RNF38: variants seen among roughly 807,000 people sequenced by gnomAD.
RNF38 encodes the protein E3 ubiquitin-protein ligase RNF38.
Under a neutral mutation model 67.2 loss-of-function variants are expected in RNF38, and 15 were observed. That is an observed-to-expected ratio of 0.22 (90% CI 0.15 to 0.34). The LOEUF (loss-of-function observed/expected upper bound fraction) is 0.34. Among genes scored for constraint, RNF38 ranks in the 10% least tolerant of loss-of-function variants. RNF38 has a pLI of 1.00. For missense variants in RNF38, 524 were observed against 639.9 expected (o/e 0.82, Z 1.95); for synonymous variants, 220 against 218.8 (o/e 1.01, Z -0.05).
At position 36,351,100 on chromosome 9, in the gene RNF38, A is replaced by G; in HGVS notation, c.1263+15T>C. On this transcript the variant is annotated intron_variant, in intron 9 of 11. Coordinates refer to ENST00000259605, the MANE Select transcript of RNF38 (RefSeq NM_022781.5). ...CACAATATTCCCCAAATTAATTCAC[A>G]ATTCATCTACTAACCTCGTAATTTT... The G allele has an allele frequency of 6.4e-7, 1 of 1,554,442 alleles. No individual in the cohort carries two copies.
chr9:36,370,797 A>G (rs1034427454), intron 3 of RNF38, among the ~76,000 whole-genome samples: 8 of 152,028 alleles, frequency 5.3e-5, no homozygotes, highest in African/African-American at 1.7e-4. Flanking sequence ...AGTCCCAGCT[A>G]CCTGGGAGGC....
intron 2 of RNF38, among the ~76,000 whole-genome samples, chr9:36,412,540 G>C (rs1202004994): frequency 6.6e-6 from 1 of 152,238 alleles, no homozygotes; most frequent in Admixed American, 6.5e-5. Context: ...GGAGGTATCT[G>C]GATTTTGCGG....
intron 1 of RNF38, among the ~76,000 whole-genome samples, chr9:36,428,454 C>CATATATAT (rs10588812): frequency 6.8e-5 from 10 of 146,128 alleles, no homozygotes; most frequent in African/African-American, 2.0e-4. Context: ...CTATTGTTTA[C>CATATATAT]ATATATATAT....
intron 1 of RNF38, among the ~76,000 whole-genome samples, chr9:36,465,623 G>A (rs949670441): frequency 3.3e-5 from 5 of 152,050 alleles, no homozygotes; most frequent in African/African-American, 1.2e-4. Flanking sequence ...GAGATTACAG[G>A]CATCAGCCAC....
intron 1 of RNF38, among the ~76,000 whole-genome samples, chr9:36,462,649 A>G (rs1839759846): frequency 6.6e-6 from 1 of 151,594 alleles, no homozygotes; most frequent in Admixed American, 6.6e-5. Context: ...TCACTGCACC[A>G]ATGATGCTTT....
At chr9:36,391,373 A>G (rs943399666) in intron 1 of RNF38, among the ~76,000 whole-genome samples, 6 of 152,144 alleles carry the variant, frequency 3.9e-5, no homozygotes, top group Non-Finnish European at 5.9e-5. Context: ...ATGTAAATAT[A>G]CTTACTCTGT....
intron 2 of RNF38, among the ~76,000 whole-genome samples, chr9:36,376,484 A>G (rs955634099): frequency 6.6e-6 from 1 of 152,198 alleles, no homozygotes; most frequent in South Asian, 2.1e-4. Flanking sequence ...ACACTACACT[A>G]CAATCTCCCA....
At chr9:36,480,111 T>C (rs896616609) in intron 1 of RNF38, among the ~76,000 whole-genome samples, 3 of 152,096 alleles carry the variant, frequency 2.0e-5, no homozygotes, top group Non-Finnish European at 4.4e-5. Context: ...CCCGAGTAGC[T>C]GGGCCTACAG....
chr9:36,408,574 C>G (rs1301390012), intron 2 of RNF38, among the ~76,000 whole-genome samples: 1 of 152,054 alleles, frequency 6.6e-6, no homozygotes, highest in African/African-American at 2.4e-5. Context: ...ATATTAATAG[C>G]CTAGGAACTA....
chr9:36,425,000 A>T lies in RNF38; in HGVS notation n.242-317T>A, dbSNP rs370017301. On this transcript the variant is annotated intron_variant and non_coding_transcript_variant, in intron 1 of 3. Transcript: ENST00000488058. Reference sequence around the variant, plus strand: ...TTACCTGCAGAAACACAAGCCTTCAATAAGGCAAACTCTTATTTATGAGGA... The same window carrying T: ...TTACCTGCAGAAACACAAGCCTTCATTAAGGCAAACTCTTATTTATGAGGA... Among the ~76,000 whole-genome samples, 114 of 152,350 alleles carry T rather than the reference A, an allele frequency of 7.5e-4. 2 individuals carry two copies. The South Asian group carries it at 0.022, about 30-fold the overall frequency.
In RNF38 at chr9:36,338,803, TGTAAA is replaced by T. The variant is rs965368553; in HGVS notation, c.*944_*948del. Reference sequence around the variant, plus strand: ...CTTTCTGTAAGAAACTTACTGGAAATGTAAAGGAAAAAAAAGTATCAACATTCAAA... The same window carrying T: ...CTTTCTGTAAGAAACTTACTGGAAATGGAAAAAAAAGTATCAACATTCAAA... On this transcript the variant is annotated 3_prime_UTR_variant, in exon 12 of 12. Coordinates refer to ENST00000259605, the MANE Select transcript of RNF38 (RefSeq NM_022781.5). 33 of 152,430 alleles carry T rather than the reference TGTAAA, an allele frequency of 2.2e-4. No homozygotes were observed. The highest frequency in any genetic ancestry group is 7.7e-4 in the African/African-American group (32 of 41,456). The allele number at this position is 152,430 out of a possible 1,614,324, so 9.4% of individuals were successfully genotyped here.
intron 1 of RNF38, among the ~76,000 whole-genome samples, chr9:36,391,678 T>C (rs1837106508): frequency 6.7e-6 from 1 of 149,620 alleles, no homozygotes; most frequent in Non-Finnish European, 1.5e-5. Flanking sequence ...AGTGGTGCCA[T>C]CTCGGCTCAC....
At chr9:36,395,834 T>C (rs544876127) in intron 1 of RNF38, among the ~76,000 whole-genome samples, 1 of 152,268 alleles carries the variant, frequency 6.6e-6, no homozygotes, top group Non-Finnish European at 1.5e-5. Context: ...CTAAGTAAAA[T>C]TACGGTACAC....
intron 4 of RNF38, among the ~76,000 whole-genome samples, chr9:36,360,300 G>A (rs1834434770): frequency 1.3e-5 from 2 of 152,224 alleles, no homozygotes; most frequent in Middle Eastern, 3.4e-3. Context: ...GTGTTAGTAC[G>A]AAGATAATTT....
intron 2 of RNF38, among the ~76,000 whole-genome samples, chr9:36,380,118 C>CTAAA (rs1378929971): frequency 2.6e-5 from 4 of 152,150 alleles, no homozygotes; most frequent in Non-Finnish European, 5.9e-5. Flanking sequence ...AATGTAAACT[C>CTAAA]TAAATGTTTA....
chr9:36,476,941 G>A (rs2134435527), intron 1 of RNF38, among the ~76,000 whole-genome samples: 1 of 152,234 alleles, frequency 6.6e-6, no homozygotes, highest in South Asian at 2.1e-4. Flanking sequence ...CTATCTACCT[G>A]TACACCATAG....
chr9:36,470,264 C>A (rs1487809039), intron 1 of RNF38, among the ~76,000 whole-genome samples: 2 of 152,138 alleles, frequency 1.3e-5, no homozygotes, highest in African/African-American at 2.4e-5. Flanking sequence ...TGATGCCTTG[C>A]CAGAAATCGG....
In RNF38 at chr9:36,342,385, T is replaced by G; in HGVS notation, c.1425A>C (p.Leu475=). The G allele has an allele frequency of 6.2e-7, 1 of 1,613,960 alleles. No individual in the cohort carries two copies. The highest frequency in any genetic ancestry group is 8.5e-7 in the Non-Finnish European group (1 of 1,179,852). ...VCMCDFESRQ[L]LRVLPCNHEF... is the part of the protein sequence containing the mutation. ...CGTGGTTACAGGGTAAGACTCTAAG[T>G]AGCTGCCTTGACTCAAAATCACACA... The change falls in exon 11 of 12, where the codon CTA becomes CTC. Residue 475 remains leucine, a synonymous_variant. Transcript: ENST00000259605.
In RNF38 at chr9:36,337,155, G is replaced by A. The variant is rs527863664; in HGVS notation, c.*2597C>T. The A allele has an allele frequency of 6.6e-6, 1 of 152,328 alleles. No individual in the cohort carries two copies. Among genetic ancestry groups the A allele is most frequent in the East Asian group, 1.9e-4 (1 of 5,188 alleles). 9.4% of individuals were successfully genotyped at this position (152,328 alleles called of 1,614,324 possible). ...TGGTGCATCACCCAAGGTGACCAAT[G>A]GCTGGGCACAAATAAACTTCTCTTT... is the stretch of plus-strand genomic sequence containing the variant. On this transcript the variant is annotated 3_prime_UTR_variant, in exon 12 of 12. Transcript: ENST00000259605.
Sources: gnomAD v4.1 joint callset for allele counts (sites outside exome capture counted in the v4.1 genomes callset) on GRCh38, gnomAD v4.1.1 for gene constraint, MANE v1.5 for transcripts, NCBI Gene and HGNC (gene_info 2026-07-23, HGNC 2026-07-21) for gene names.